CEP89: variants seen among roughly 807,000 people sequenced by gnomAD.
CEP89 encodes the protein centrosomal protein 89, also known as centrosomal protein of 89 kDa.
CEP89 carries 95 observed loss-of-function variants against 97.6 expected under a neutral mutation model. That is an observed-to-expected ratio of 0.97 (90% CI 0.82 to 1.15). The LOEUF (loss-of-function observed/expected upper bound fraction) is 1.15. CEP89 is among the 50% of genes most tolerant of loss of function. CEP89 has a pLI of 0.00. For missense variants in CEP89, 869 were observed against 947.7 expected, an observed-to-expected ratio of 0.92 and a Z score of 1.09; for synonymous variants, 354 against 349.1, an observed-to-expected ratio of 1.01 and a Z score of -0.16.
At chr19:32,949,621 T>C (rs1970870063) in intron 4 of CEP89, among the ~76,000 whole-genome samples, 1 of 152,058 alleles carries the variant, frequency 6.6e-6, no homozygotes, top group African/African-American at 2.4e-5. Flanking sequence ...TGGCCTCAAG[T>C]GATCCTCCTG....
At chr19:32,944,693 G>A (rs891110407) in intron 5 of CEP89, among the ~76,000 whole-genome samples, 5 of 152,154 alleles carry the variant, frequency 3.3e-5, no homozygotes, top group African/African-American at 1.2e-4. Flanking sequence ...ATCAAAGAAG[G>A]GTCTGCAGAG....
At chr19:32,968,660 C>T (rs573913826) in intron 1 of CEP89, among the ~76,000 whole-genome samples, 1 of 152,112 alleles carries the variant, frequency 6.6e-6, no homozygotes, top group East Asian at 1.9e-4. Flanking sequence ...CATACCATCA[C>T]AATCATTCCT....
chr19:32,879,503 G>C, intron 18 of CEP89, 125 bp from the exon 19 acceptor site: 1 of 757,142 alleles, frequency 1.3e-6, no homozygotes, highest in South Asian at 1.8e-5. Flanking sequence ...TCGGTGCCTG[G>C]GTTCTGAAGC....
At chr19:32,923,721 C>T (rs149143017) in intron 11 of CEP89, among the ~76,000 whole-genome samples, 179 bp from the exon 12 acceptor site, 11 of 152,288 alleles carry the variant, frequency 7.2e-5, no homozygotes, top group African/African-American at 2.6e-4. Flanking sequence ...AGGGAGCTTA[C>T]GGTCTAGTGA....
At chr19:32,890,837 T>G (rs1969499902) in intron 16 of CEP89, among the ~76,000 whole-genome samples, 1 of 151,940 alleles carries the variant, frequency 6.6e-6, no homozygotes, top group Non-Finnish European at 1.5e-5. Context: ...CTGACCCAGG[T>G]TCCAGGTAGC....
chr19:32,966,605 C>T (rs576396199), intron 1 of CEP89, 139 bp from the exon 2 acceptor site: 4 of 420,512 alleles, frequency 9.5e-6, no homozygotes, highest in South Asian at 1.5e-4. Context: ...GCCCACTCCT[C>T]CCCTGCCATC....
intron 14 of CEP89, among the ~76,000 whole-genome samples, chr19:32,910,282 A>AGAGAGAGAGC (rs1969971170): frequency 6.9e-6 from 1 of 145,356 alleles, no homozygotes; most frequent in Non-Finnish European, 1.5e-5. Context: ...AGAGAGAGAG[A>AGAGAGAGAGC]GAGAGAGCGA....
chr19:32,899,649 T>G (rs1191854218), intron 16 of CEP89, among the ~76,000 whole-genome samples: 1 of 152,204 alleles, frequency 6.6e-6, no homozygotes. Context: ...GGTAACTTCA[T>G]TATGAGTTGT....
intron 14 of CEP89, among the ~76,000 whole-genome samples, chr19:32,910,637 T>C (rs996850140): frequency 4.6e-5 from 7 of 152,086 alleles, no homozygotes; most frequent in Non-Finnish European, 7.3e-5. Flanking sequence ...TTTTCTAATT[T>C]TATATTCTTA....
chr19:32,921,286 T>G lies in CEP89; in HGVS notation c.1268+2153A>C, dbSNP rs138998517. ...TGAAGTGTGAAGTCCGTGTACCGAG[T>G]GCTGCATGCAGGTTTAGCAGCCGTG... On this transcript the variant is annotated intron_variant, in intron 12 of 18. Transcript: ENST00000305768. Among the ~76,000 whole-genome samples, 429 of 150,628 alleles carry G rather than the reference T, an allele frequency of 2.8e-3. 2 individuals are homozygous for G. Among genetic ancestry groups the G allele is most frequent in the African/African-American group, 0.01 (413 of 41,062 alleles).
Position 32,948,266 on chromosome 19 carries a change from CT to C in CEP89, c.594del (p.Asp199MetfsTer7). ...SPPAPQRTQQ[K>X]DGKHPVLNLK... is the part of the protein sequence containing the mutation. The stretch of plus-strand genomic sequence containing the variant: ...AAAAATTGTGGTTTTTTTTTTCTAC[CT>C]TTTTGTTGTGTCCGCTGTGGTGCAG... On this transcript the variant is annotated frameshift_variant and splice_region_variant, in exon 5 of 19. Transcript: ENST00000305768. LOFTEE classifies it high-confidence loss of function. The C allele has an allele frequency of 6.5e-7, 1 of 1,534,438 alleles. No individual in the cohort carries two copies. The highest frequency in any genetic ancestry group is 2.3e-5 in the East Asian group (1 of 44,426).
chr19:32,952,903 C>CAAAAAAAAAAAAA (rs34455504), intron 4 of CEP89, among the ~76,000 whole-genome samples: 3 of 48,714 alleles, frequency 6.2e-5, no homozygotes, highest in Admixed American at 3.1e-4. Context: ...GACTCTGTCT[C>CAAAAAAAAAAAAA]AAAAAAAAAA....
At chr19:32,891,925 A>G (rs569802582) in intron 16 of CEP89, among the ~76,000 whole-genome samples, 56 of 151,632 alleles carry the variant, frequency 3.7e-4, no homozygotes, top group Non-Finnish European at 6.8e-4. Context: ...CCAAGGGGTG[A>G]AAAGAAGTTT....
intron 14 of CEP89, among the ~76,000 whole-genome samples, chr19:32,904,326 C>G (rs998807997): frequency 6.6e-6 from 1 of 152,140 alleles, no homozygotes; most frequent in Admixed American, 6.5e-5. Context: ...ATAAACGACG[C>G]AAGCCAAAAG....
chr19:32,939,776 A>C (rs1014808273), intron 6 of CEP89, 81 bp downstream of exon 6: 23 of 681,702 alleles, frequency 3.4e-5, no homozygotes, highest in Non-Finnish European at 1.0e-5. Flanking sequence ...TTTCAACACC[A>C]AAGTTGTTGA....
intron 12 of CEP89, 88 bp from the exon 13 acceptor site, chr19:32,918,427 G>A (rs1970176227): frequency 3.4e-6 from 3 of 881,606 alleles, no homozygotes; most frequent in South Asian, 1.4e-5. Context: ...AGCAATGGCT[G>A]CATTACAGGT....
rs748017973 is a variant in CEP89 at position 32,915,440 on chromosome 19, C to T, written c.1462G>A (p.Glu488Lys). 6.2e-7 allele frequency: 1 copy of T among 1,613,748 alleles called. No individual in the cohort carries two copies. Among genetic ancestry groups the T allele is most frequent in the Non-Finnish European group, 8.5e-7 (1 of 1,179,952 alleles). The change falls in exon 14 of 19, where the codon GAA becomes AAA. Residue 488 changes from glutamate to lysine, a missense_variant. Physicochemically the swap from Glu to Lys is moderately conservative, Grantham distance 56 (BLOSUM62 1). Coordinates refer to ENST00000305768, the MANE Select transcript of CEP89 (RefSeq NM_032816.5). ...TTGGCACGTAAAATCTCCAGCTGTT[C>T]CCTGTTCTCCGCCAGCTCCTTTTCC... ...GQEKELAENREQLEILRAKCQ... is the reference protein window; with the variant it reads ...GQEKELAENRKQLEILRAKCQ...
chr19:32,894,652 T>C (rs1254746349), intron 16 of CEP89, among the ~76,000 whole-genome samples: 1 of 152,362 alleles, frequency 6.6e-6, no homozygotes, highest in African/African-American at 2.4e-5. Flanking sequence ...ATACATGTGA[T>C]ACATGTTAGA....
chr19:32,946,230 T>C (rs540765478), intron 5 of CEP89, among the ~76,000 whole-genome samples: 3 of 152,266 alleles, frequency 2.0e-5, no homozygotes, highest in South Asian at 2.1e-4. Flanking sequence ...GCCTCCTGCA[T>C]AGCTGGGACT....
Sources: gnomAD v4.1 joint callset for allele counts (sites outside exome capture counted in the v4.1 genomes callset) on GRCh38, gnomAD v4.1.1 for gene constraint, MANE v1.5 for transcripts, NCBI Gene and HGNC (gene_info 2026-07-23, HGNC 2026-07-21) for gene names.